Variants in MAP3K5 observed in about 807,000 individuals in gnomAD.
MAP3K5 encodes ASK-1.
Under a neutral mutation model 158.7 loss-of-function variants are expected in MAP3K5, and 56 were observed. That is an observed-to-expected ratio of 0.35 (90% confidence interval 0.28 to 0.44). The LOEUF (loss-of-function observed/expected upper bound fraction) is 0.44. Ranked by LOEUF, MAP3K5 falls within the 20% of genes least tolerant of loss-of-function variation. The probability of loss-of-function intolerance (pLI) is 1.00; values close to 1 mark genes in which losing one functional copy is unlikely to be tolerated. For synonymous variants in MAP3K5, 579 were observed against 601.7 expected (o/e 0.96, Z 0.55); for missense variants, 1,294 against 1,674.8 (o/e 0.77, Z 3.97).
intron 1 of MAP3K5, among the ~76,000 whole-genome samples, chr6:136,749,967 CA>C (rs1358684487): frequency 6.6e-6 from 1 of 152,188 alleles, no homozygotes; most frequent in Non-Finnish European, 1.5e-5. Context: ...TATAAACCCG[CA>C]AACAACCAGT....
At position 136,693,903 on chromosome 6, in the gene MAP3K5, G is replaced by A. The variant is rs549386954; in HGVS notation, c.1253+237C>T. Among the ~76,000 whole-genome samples the A allele has an allele frequency of 3.9e-5, 6 of 152,198 alleles. No homozygotes were observed. In the East Asian group the frequency reaches 1.2e-3, roughly 29 times the overall value. ...CTGGAGAGGCTGAGGCAGGAGAATC[G>A]CTTGAACCTGGGAGGCAGAGGTTGC... On this transcript the variant is annotated intron_variant, in intron 7 of 29. Coordinates refer to ENST00000359015, the MANE Select transcript of MAP3K5 (RefSeq NM_005923.4).
intron 1 of MAP3K5, among the ~76,000 whole-genome samples, chr6:136,751,646 A>G (rs907841557): frequency 6.6e-6 from 1 of 152,240 alleles, no homozygotes; most frequent in Non-Finnish European, 1.5e-5. Flanking sequence ...CAGCCTAGAA[A>G]AACTGTGAAG....
At chr6:136,567,526 G>C in intron 26 of MAP3K5, 105 bp downstream of exon 26, 2 of 1,205,990 alleles carry the variant, frequency 1.7e-6, no homozygotes, top group Non-Finnish European at 2.3e-6. Context: ...ATTCAATCAA[G>C]TTTCCATGAA....
chr6:136,765,845 T>C (rs1783945948), intron 1 of MAP3K5, among the ~76,000 whole-genome samples: 2 of 151,986 alleles, frequency 1.3e-5, no homozygotes, highest in South Asian at 4.1e-4. Flanking sequence ...TGCTTTTATC[T>C]CCACCTTATA....
chr6:136,630,099 G>A (rs1777269509), intron 14 of MAP3K5: 1 of 152,140 alleles, frequency 6.6e-6, no homozygotes, highest in Admixed American at 6.6e-5. Context: ...ATCTAAAATT[G>A]CACGTCCCTG....
chr6:136,628,798 C>T (rs1335443938), intron 14 of MAP3K5, among the ~76,000 whole-genome samples: 4 of 152,032 alleles, frequency 2.6e-5, no homozygotes, highest in Non-Finnish European at 5.9e-5. Context: ...TGGGTAATTG[C>T]TGCTTTGTTT....
chr6:136,693,287 C>T (rs1780468775), intron 7 of MAP3K5, among the ~76,000 whole-genome samples: 1 of 152,186 alleles, frequency 6.6e-6, no homozygotes, highest in East Asian at 1.9e-4. Context: ...TGCCTATAGC[C>T]ATACTGCAAT....
intron 17 of MAP3K5, among the ~76,000 whole-genome samples, chr6:136,612,818 A>G (rs1776402314): frequency 6.6e-6 from 1 of 152,208 alleles, no homozygotes. Flanking sequence ...ACCAGGGGCC[A>G]TCTCCTGTTT....
In MAP3K5 at chr6:136,558,796, GTACC is replaced by G; in HGVS notation, c.4064_4064+3del. ...CATAGTGACAACAGAAAGAAAAGTG[GTACC>G]TTAGTCTCAAGCATTTTAAGTCATC... On this transcript the variant is annotated splice_donor_variant and splice_donor_region_variant and coding_sequence_variant and intron_variant, in exon 29 of 30. Transcript: ENST00000359015. LOFTEE classifies it high-confidence loss of function. 6.4e-7 allele frequency: 1 copy of G among 1,566,594 alleles called. No homozygotes were observed. The highest frequency in any genetic ancestry group is 2.2e-5 in the East Asian group (1 of 44,604).
intron 2 of MAP3K5, among the ~76,000 whole-genome samples, chr6:136,705,647 A>C (rs1025585897): frequency 6.6e-6 from 1 of 152,208 alleles, no homozygotes; most frequent in African/African-American, 2.4e-5. Flanking sequence ...AGAATACGAA[A>C]GTATTGTCTG....
At chr6:136,708,323 A>G (rs917009321) in intron 2 of MAP3K5, among the ~76,000 whole-genome samples, 1 of 151,924 alleles carries the variant, frequency 6.6e-6, no homozygotes, top group African/African-American at 2.4e-5. Flanking sequence ...TGGCATGATC[A>G]TGGCTCACTG....
At chr6:136,618,476 T>C (rs1776663019) in intron 15 of MAP3K5, among the ~76,000 whole-genome samples, 1 of 152,238 alleles carries the variant, frequency 6.6e-6, no homozygotes, top group Non-Finnish European at 1.5e-5. Context: ...GTGTGTATAG[T>C]AGCATTTGAA....
At chr6:136,704,533 A>G (rs1780989029) in intron 3 of MAP3K5, among the ~76,000 whole-genome samples, 1 of 152,080 alleles carries the variant, frequency 6.6e-6, no homozygotes, top group Non-Finnish European at 1.5e-5. Context: ...AATACACTAT[A>G]AAAGATTTTC....
At chr6:136,646,909 C>T (rs112461592) in intron 11 of MAP3K5, among the ~76,000 whole-genome samples, 1,864 of 152,262 alleles carry the variant, frequency 0.012, 31 homozygotes, top group African/African-American at 0.043. Flanking sequence ...CAACTAAACA[C>T]GTCCAAAATG....
At chr6:136,766,210 C>T (rs1783961391) in intron 1 of MAP3K5, among the ~76,000 whole-genome samples, 1 of 152,204 alleles carries the variant, frequency 6.6e-6, no homozygotes, top group African/African-American at 2.4e-5. Context: ...ACTAAGCCTA[C>T]AAATCTGCAC....
chr6:136,750,237 C>G (rs1350197923), intron 1 of MAP3K5, among the ~76,000 whole-genome samples: 3 of 152,264 alleles, frequency 2.0e-5, no homozygotes, highest in East Asian at 1.9e-4. Context: ...ACGAGCACGC[C>G]TGGCTAATTT....
intron 1 of MAP3K5, among the ~76,000 whole-genome samples, chr6:136,722,016 C>A (rs1416376853): frequency 6.6e-6 from 1 of 152,156 alleles, no homozygotes; most frequent in East Asian, 1.9e-4. Flanking sequence ...ATTCCCACAA[C>A]TTACTATATA....
chr6:136,659,817 C>T (rs1418114919), intron 8 of MAP3K5, among the ~76,000 whole-genome samples: 30 of 152,064 alleles, frequency 2.0e-4, no homozygotes, highest in Non-Finnish European at 1.0e-4. Context: ...CGTAACAGTG[C>T]GAATGTTCTT....
At chr6:136,575,172 T>G (rs1408122420) in intron 25 of MAP3K5, among the ~76,000 whole-genome samples, 2 of 150,944 alleles carry the variant, frequency 1.3e-5, no homozygotes, top group Admixed American at 6.6e-5. Flanking sequence ...TTTTTTTTTT[T>G]TTTTTTTGAG....
Sources: gnomAD v4.1 joint callset for allele counts (sites outside exome capture counted in the v4.1 genomes callset) on GRCh38, gnomAD v4.1.1 for gene constraint, MANE v1.5 for transcripts, NCBI Gene and HGNC (gene_info 2026-07-23, HGNC 2026-07-21) for gene names.